The following SH3PXD2A variants were observed in gnomAD, a reference collection of about 807,000 sequenced individuals.
SH3PXD2A encodes the protein SH3 and PX domains 2A.
In SH3PXD2A, 32 loss-of-function variants were observed where a neutral mutation model predicts 115.2. That is an observed-to-expected ratio of 0.28 (90% CI 0.21 to 0.37). The LOEUF (loss-of-function observed/expected upper bound fraction) is 0.37, where lower values mean the gene tolerates loss of function less well. SH3PXD2A is among the 10% of genes least tolerant of loss of function. The pLI is 1.00. For synonymous variants in SH3PXD2A, 610 were observed against 629.1 expected (o/e 0.97, Z 0.45); for missense variants, 1,328 against 1,498.7 (o/e 0.89, Z 1.88).
intron 13 of SH3PXD2A, among the ~76,000 whole-genome samples, chr10:103,607,706 G>GA (rs940342683): frequency 6.6e-6 from 1 of 152,238 alleles, no homozygotes; most frequent in African/African-American, 2.4e-5. Context: ...TTGTGGAATA[G>GA]AAAGGGGGGA....
At chr10:103,738,035 A>G (rs1306302230) in intron 3 of SH3PXD2A, among the ~76,000 whole-genome samples, 3 of 152,194 alleles carry the variant, frequency 2.0e-5, no homozygotes, top group African/African-American at 7.2e-5. Context: ...CAGATGCTCA[A>G]TGAGTGCTTG....
intron 10 of SH3PXD2A, 60 bp from the exon 11 acceptor site, chr10:103,617,374 G>A (rs927006614): frequency 2.3e-5 from 28 of 1,194,268 alleles, no homozygotes; most frequent in Non-Finnish European, 2.6e-5. Flanking sequence ...CCTGCTTCCT[G>A]TCCCCTCCTC....
chr10:103,603,992 G>A (rs1699355259), intron 14 of SH3PXD2A, among the ~76,000 whole-genome samples: 1 of 152,138 alleles, frequency 6.6e-6, no homozygotes. Flanking sequence ...TCATCTCATG[G>A]TTGGTGGGTT....
intron 1 of SH3PXD2A, among the ~76,000 whole-genome samples, chr10:103,812,551 G>A (rs1178783868): frequency 1.3e-5 from 2 of 152,080 alleles, no homozygotes; most frequent in African/African-American, 4.8e-5. Flanking sequence ...ACTGACCCAG[G>A]CCTACTGACC....
chr10:103,819,682 C>T (rs549211027), intron 1 of SH3PXD2A, among the ~76,000 whole-genome samples: 25 of 151,948 alleles, frequency 1.6e-4, no homozygotes, highest in Admixed American at 9.8e-4. Flanking sequence ...GAACAGGTGT[C>T]GGGGAGATCT....
At chr10:103,718,052 G>A (rs1225210858) in intron 5 of SH3PXD2A, among the ~76,000 whole-genome samples, 1 of 151,610 alleles carries the variant, frequency 6.6e-6, no homozygotes, top group African/African-American at 2.4e-5. Flanking sequence ...TGTTGCCCAG[G>A]CTGGAGTGCA....
chr10:103,653,597 G>A (rs2037163369), intron 8 of SH3PXD2A, among the ~76,000 whole-genome samples: 1 of 152,226 alleles, frequency 6.6e-6, no homozygotes, highest in Non-Finnish European at 1.5e-5. Flanking sequence ...CACAGCAACT[G>A]GACACCAGGC....
chr10:103,778,180 A>C (rs1564886801), intron 2 of SH3PXD2A, among the ~76,000 whole-genome samples: 1 of 152,152 alleles, frequency 6.6e-6, no homozygotes, highest in Non-Finnish European at 1.5e-5. Flanking sequence ...ATTAAAAAAA[A>C]AAATTAGCTG....
intron 3 of SH3PXD2A, among the ~76,000 whole-genome samples, chr10:103,766,513 TAAC>T (rs2038756206): frequency 6.6e-6 from 1 of 152,118 alleles, no homozygotes; most frequent in African/African-American, 2.4e-5. Flanking sequence ...GTGCATATGA[TAAC>T]AAATAAAAAA....
chr10:103,790,369 T>C (rs183905636), intron 2 of SH3PXD2A, among the ~76,000 whole-genome samples: 45 of 152,182 alleles, frequency 3.0e-4, no homozygotes, highest in Non-Finnish European at 5.9e-4. Flanking sequence ...TTAGCCAGGA[T>C]GGTCTCGATC....
At chr10:103,709,704 G>A (rs1017539272) in intron 5 of SH3PXD2A, among the ~76,000 whole-genome samples, 4 of 152,248 alleles carry the variant, frequency 2.6e-5, no homozygotes, top group African/African-American at 9.6e-5. Flanking sequence ...AGTTATTGGC[G>A]TTGCAAGTCA....
At chr10:103,619,105 A>T (rs1219843679) in intron 10 of SH3PXD2A, among the ~76,000 whole-genome samples, 2 of 152,202 alleles carry the variant, frequency 1.3e-5, no homozygotes, top group Non-Finnish European at 2.9e-5. Flanking sequence ...TCTGCTGCAG[A>T]ACTTGGTCAG....
At chr10:103,628,656 C>T (rs2036734119) in intron 8 of SH3PXD2A, among the ~76,000 whole-genome samples, 1 of 152,056 alleles carries the variant, frequency 6.6e-6, no homozygotes, top group South Asian at 2.1e-4. Flanking sequence ...CCGGTCAGGC[C>T]CTCTTGCTCC....
intron 8 of SH3PXD2A, among the ~76,000 whole-genome samples, chr10:103,641,123 A>G (rs181776968): frequency 6.6e-6 from 1 of 152,264 alleles, no homozygotes; most frequent in African/African-American, 2.4e-5. Context: ...TGGTAATGAC[A>G]GCTCAAATCT....
rs1467897628 is a variant in SH3PXD2A, at chr10:103,819,151, C to A, written c.73-17789G>T. On this transcript the variant is annotated intron_variant, in intron 1 of 14. Coordinates refer to ENST00000369774, the MANE Select transcript of SH3PXD2A (RefSeq NM_001394015.1). ...TACGTGCTGGGCTCTGTGCTAGACACTGGCAACACAAAGTCAAATAAAACA... is the reference window on the plus strand; with the variant it reads ...TACGTGCTGGGCTCTGTGCTAGACAATGGCAACACAAAGTCAAATAAAACA... 2.0e-5 allele frequency among the ~76,000 whole-genome samples: 3 copies of A among 152,236 alleles called. No individual in the cohort carries two copies. In the East Asian group the frequency reaches 5.8e-4, roughly 29 times the overall value.
At chr10:103,833,962 A>AGAGAGTCCCCC (rs1163802764) in intron 1 of SH3PXD2A, among the ~76,000 whole-genome samples, 2 of 152,234 alleles carry the variant, frequency 1.3e-5, no homozygotes, top group Non-Finnish European at 2.9e-5. Context: ...CCTCCCGGAA[A>AGAGAGTCCCCC]GAGAGTCCCT....
chr10:103,757,596 G>A (rs1018273965), intron 3 of SH3PXD2A, among the ~76,000 whole-genome samples: 7 of 152,108 alleles, frequency 4.6e-5, no homozygotes, highest in African/African-American at 1.2e-4. Flanking sequence ...GGGATGTCGC[G>A]GGGGAAGGGC....
At chr10:103,730,010 G>C (rs1419614127) in intron 4 of SH3PXD2A, among the ~76,000 whole-genome samples, 1 of 152,158 alleles carries the variant, frequency 6.6e-6, no homozygotes, top group Admixed American at 6.5e-5. Context: ...GCACAAGTGT[G>C]GTCTTTGCAC....
chr10:103,676,711 T>C (rs1465333459), intron 6 of SH3PXD2A, among the ~76,000 whole-genome samples: 1 of 152,094 alleles, frequency 6.6e-6, no homozygotes, highest in Non-Finnish European at 1.5e-5. Context: ...CAGCAGCTGC[T>C]GCCCAACCCA....
Sources: allele counts gnomAD v4.1 joint callset (sites outside exome capture counted in the v4.1 genomes callset), GRCh38; gene constraint gnomAD v4.1.1; transcripts MANE v1.5; gene names NCBI Gene and HGNC (gene_info 2026-07-23, HGNC 2026-07-21).